DOCK10: variants seen among roughly 807,000 people sequenced by gnomAD.
DOCK10 encodes the protein dedicator of cytokinesis 10, also known as dedicator of cytokinesis protein 10.
DOCK10 carries 145 observed loss-of-function variants against 280.1 expected under a neutral mutation model. That is an observed-to-expected ratio of 0.52 (90% CI 0.45 to 0.59). The LOEUF (loss-of-function observed/expected upper bound fraction) is 0.59, where lower values mean the gene tolerates loss of function less well. Ranked by LOEUF, DOCK10 falls within the 20% of genes least tolerant of loss-of-function variation. The pLI is 0.00. For synonymous variants in DOCK10, 915 were observed against 942.2 expected, an observed-to-expected ratio of 0.97 and a Z score of 0.53; for missense variants, 2,368 against 2,651.7, an observed-to-expected ratio of 0.89 and a Z score of 2.35.
rs764606481 is a variant in DOCK10 at position 224,837,850 on chromosome 2, T to A, written c.2781-19A>T. The A allele has an allele frequency of 2.5e-6, 4 of 1,610,138 alleles. No homozygotes were observed. The South Asian group carries it at 4.4e-5, about 18-fold the overall frequency. ...CAGAACCCTGCAAAAGCAAAGCTGT[T>A]CAGTGGCCTTTCTGGAGAGGGCAGA... On this transcript the variant is annotated intron_variant, in intron 24 of 55. Transcript: ENST00000258390.
chr2:225,000,400 C>T (rs111936315), intron 1 of DOCK10, among the ~76,000 whole-genome samples: 108 of 152,280 alleles, frequency 7.1e-4, no homozygotes, highest in Middle Eastern at 3.4e-3. Flanking sequence ...TACAGTCATT[C>T]GTGGAATTGT....
intron 52 of DOCK10, among the ~76,000 whole-genome samples, chr2:224,774,663 A>G (rs1690701735): frequency 1.3e-5 from 2 of 152,158 alleles, no homozygotes; most frequent in South Asian, 4.1e-4. Flanking sequence ...CACCCTTCAC[A>G]CTTACAACCT....
chr2:224,857,547 CTA>C (rs750478694), intron 14 of DOCK10, among the ~76,000 whole-genome samples: 2 of 152,182 alleles, frequency 1.3e-5, no homozygotes, highest in East Asian at 1.9e-4. Context: ...AAAGAGAACA[CTA>C]TGAATCTGAG....
intron 48 of DOCK10, 60 bp downstream of exon 48, chr2:224,789,004 T>C (rs982396603): frequency 2.0e-6 from 2 of 1,014,254 alleles, no homozygotes; most frequent in Non-Finnish European, 3.0e-6. Flanking sequence ...TTTAGCTTAA[T>C]GTCACAAGCC....
chr2:224,787,040 A>G lies in DOCK10; in HGVS notation c.5637T>C (p.Arg1879=), dbSNP rs773909296. 4.0e-5 allele frequency: 65 copies of G among 1,613,784 alleles called. No individual in the cohort carries two copies. The highest frequency in any genetic ancestry group is 5.5e-5 in the Non-Finnish European group (65 of 1,179,796). ...AACTTACCTGCCCATAAAATGCCAC[A>G]CGATAGTAGCGACCAAACAGCCGCT... ...SEKRLFGRYY[R]VAFYGQGFFE... is the part of the protein sequence containing the mutation. The change falls in exon 50 of 56, where the codon CGT becomes CGC. Residue 1879 remains arginine, a synonymous_variant. Transcript: ENST00000258390.
chr2:224,820,049 A>C (rs1356079855), intron 28 of DOCK10, among the ~76,000 whole-genome samples: 1 of 152,136 alleles, frequency 6.6e-6, no homozygotes, highest in Non-Finnish European at 1.5e-5. Context: ...TCCTGTACAC[A>C]CTGGGTCATA....
intron 44 of DOCK10, among the ~76,000 whole-genome samples, chr2:224,795,301 C>T (rs916354088): frequency 1.3e-5 from 2 of 152,174 alleles, no homozygotes; most frequent in African/African-American, 2.4e-5. Context: ...AGCCTCTATT[C>T]TTTTGTCTTC....
chr2:224,828,294 T>A (rs1015130712), intron 27 of DOCK10, among the ~76,000 whole-genome samples: 6 of 152,204 alleles, frequency 3.9e-5, no homozygotes, highest in African/African-American at 1.4e-4. Context: ...TAACTTAGAA[T>A]GCATTGACAT....
chr2:224,813,283 C>A (rs1019640409), intron 31 of DOCK10, among the ~76,000 whole-genome samples: 3 of 152,168 alleles, frequency 2.0e-5, no homozygotes, highest in Non-Finnish European at 4.4e-5. Context: ...GTAACCTCTG[C>A]CTCCAGGGTT....
intron 23 of DOCK10, 111 bp from the exon 24 acceptor site, chr2:224,840,183 G>GT (rs1307088108): frequency 1.6e-5 from 9 of 573,316 alleles, no homozygotes; most frequent in African/African-American, 1.1e-4. Context: ...GAAAAACTTC[G>GT]TGACATTAGA....
In DOCK10 at chr2:224,829,889, G is replaced by A. The variant is rs1695110022; in HGVS notation, c.3036+652C>T. Among the ~76,000 whole-genome samples, 3 of 152,228 alleles carry A rather than the reference G, an allele frequency of 2.0e-5. No individual in the cohort carries two copies. The South Asian group carries it at 6.2e-4, about 32-fold the overall frequency. On this transcript the variant is annotated intron_variant, in intron 27 of 55. Transcript: ENST00000258390. Reference sequence around the variant, plus strand: ...CCCTCTTCTAAGCTTCCTTTCAGGAGGGGAGGCCCATGGGAACTGCAGGGA... The same window carrying A: ...CCCTCTTCTAAGCTTCCTTTCAGGAAGGGAGGCCCATGGGAACTGCAGGGA...
At chr2:224,902,162 G>A (rs1286925098) in intron 3 of DOCK10, among the ~76,000 whole-genome samples, 1 of 152,112 alleles carries the variant, frequency 6.6e-6, no homozygotes, top group Non-Finnish European at 1.5e-5. Flanking sequence ...TTCAAATCAT[G>A]TTACATACCT....
At chr2:224,921,112 A>AAAAAAAAAAATATATAT in intron 2 of DOCK10, among the ~76,000 whole-genome samples, 1 of 54,412 alleles carries the variant, frequency 1.8e-5, no homozygotes, top group African/African-American at 1.6e-4. Context: ...AAAAAAAAAA[A>AAAAAAAAAAATATATAT]ATATATATAT....
intron 1 of DOCK10, among the ~76,000 whole-genome samples, chr2:224,974,569 T>C (rs1417098350): frequency 2.0e-5 from 3 of 151,824 alleles, no homozygotes; most frequent in African/African-American, 7.2e-5. Context: ...ACTACTCTTC[T>C]AGAAGGCAAA....
chr2:224,901,477 T>C (rs10183351), intron 3 of DOCK10, among the ~76,000 whole-genome samples: 23,106 of 152,220 alleles, frequency 0.15, 4,882 homozygotes, highest in African/African-American at 0.48. Context: ...TCATTTATTA[T>C]GTTTGCTTAG....
intron 16 of DOCK10, among the ~76,000 whole-genome samples, chr2:224,854,301 A>C (rs1696957060): frequency 6.6e-6 from 1 of 152,184 alleles, no homozygotes; most frequent in Non-Finnish European, 1.5e-5. Context: ...TTACCACTTA[A>C]AAATTAAATT....
chr2:224,974,261 G>A (rs564429002), intron 1 of DOCK10, among the ~76,000 whole-genome samples: 4 of 152,286 alleles, frequency 2.6e-5, no homozygotes, highest in Admixed American at 2.6e-4. Flanking sequence ...CTCACTGCAT[G>A]CAAATTGAAT....
In DOCK10 at chr2:224,876,231, A is replaced by G. The variant is rs1007444850; in HGVS notation, c.748-10T>C. The G allele has an allele frequency of 6.3e-6, 10 of 1,580,556 alleles. No individual in the cohort carries two copies. The highest frequency in any genetic ancestry group is 7.7e-6 in the Non-Finnish European group (9 of 1,162,254). On this transcript the variant is annotated splice_polypyrimidine_tract_variant and intron_variant, in intron 7 of 55. Transcript: ENST00000258390. ...TTCTTAGTCTGTTATTCTGTGGTATAAAAAGAAAGAAAGAAAAAGAGAATA... is the reference window on the plus strand; with the variant it reads ...TTCTTAGTCTGTTATTCTGTGGTATGAAAAGAAAGAAAGAAAAAGAGAATA...
chr2:224,781,247 T>C (rs987801253), intron 50 of DOCK10, among the ~76,000 whole-genome samples: 3 of 152,254 alleles, frequency 2.0e-5, no homozygotes, highest in African/African-American at 7.2e-5. Flanking sequence ...AAAAGGTCTG[T>C]TGAAGCTCAT....
Sources: allele counts gnomAD v4.1 joint callset (sites outside exome capture counted in the v4.1 genomes callset), GRCh38; gene constraint gnomAD v4.1.1; transcripts MANE v1.5; gene names NCBI Gene and HGNC (gene_info 2026-07-23, HGNC 2026-07-21).